Variants in PTK2 observed in about 807,000 individuals in gnomAD.
PTK2 encodes protein tyrosine kinase 2, also known as focal adhesion kinase 1.
Under a neutral mutation model 150.1 loss-of-function variants are expected in PTK2, and 45 were observed. The observed-to-expected ratio is 0.30, with a 90% CI of 0.24 to 0.38. The LOEUF (loss-of-function observed/expected upper bound fraction) is 0.38, where lower values mean the gene tolerates loss of function less well. Ranked by LOEUF, PTK2 falls within the 10% of genes least tolerant of loss-of-function variation. The probability of loss-of-function intolerance (pLI) is 1.00; values close to 1 mark genes in which losing one functional copy is unlikely to be tolerated. For synonymous variants in PTK2, 432 were observed against 449.2 expected, an observed-to-expected ratio of 0.96 and a Z score of 0.48; for missense variants, 919 against 1,307.3, an observed-to-expected ratio of 0.70 and a Z score of 4.58.
intron 2 of PTK2, among the ~76,000 whole-genome samples, chr8:140,912,458 G>C (rs924060222): frequency 3.3e-5 from 5 of 151,760 alleles, no homozygotes; most frequent in Non-Finnish European, 7.4e-5. Flanking sequence ...TTAACAGCAA[G>C]ACCTCATTTC....
intron 1 of PTK2, among the ~76,000 whole-genome samples, chr8:140,971,627 A>G (rs2100187316): frequency 6.6e-6 from 1 of 152,252 alleles, no homozygotes; most frequent in Non-Finnish European, 1.5e-5. Flanking sequence ...ACAAAGGAAA[A>G]CAGTACTTAT....
At chr8:140,894,142 G>A (rs574834513) in intron 2 of PTK2, among the ~76,000 whole-genome samples, 21 of 152,142 alleles carry the variant, frequency 1.4e-4, no homozygotes, top group Non-Finnish European at 2.6e-4. Flanking sequence ...AGGTCATAAT[G>A]GTGAGGCCCT....
chr8:140,917,629 C>G (rs1369159673), intron 2 of PTK2, among the ~76,000 whole-genome samples: 1 of 152,104 alleles, frequency 6.6e-6, no homozygotes, highest in Non-Finnish European at 1.5e-5. Context: ...GTATTAATCA[C>G]AAGATTTTAG....
At chr8:140,887,711 AAAAC>A (rs746249311) in intron 3 of PTK2, among the ~76,000 whole-genome samples, 20 of 152,234 alleles carry the variant, frequency 1.3e-4, no homozygotes, top group Admixed American at 5.9e-4. Flanking sequence ...AAATAAAATA[AAAAC>A]AAACAGGTAA....
chr8:140,890,719 C>G (rs772377748), exon 3 of PTK2: 2 of 1,614,028 alleles, frequency 1.2e-6, no homozygotes, highest in South Asian at 2.2e-5. Flanking sequence ...AAGTTGGGGT[C>G]AAGGTAAGCA....
chr8:140,810,442 C>T (rs555501819), intron 10 of PTK2, among the ~76,000 whole-genome samples: 1 of 152,304 alleles, frequency 6.6e-6, no homozygotes, highest in Admixed American at 6.5e-5. Flanking sequence ...AACGAGCCTG[C>T]TTGCAGGGTA....
chr8:140,815,002 C>T (rs1297713843), intron 10 of PTK2, among the ~76,000 whole-genome samples: 1 of 152,108 alleles, frequency 6.6e-6, no homozygotes, highest in Non-Finnish European at 1.5e-5. Context: ...TCTCCATCTC[C>T]TGACCTCGTG....
At chr8:140,804,720 T>C (rs1566734947) in intron 10 of PTK2, among the ~76,000 whole-genome samples, 1 of 152,054 alleles carries the variant, frequency 6.6e-6, no homozygotes, top group Non-Finnish European at 1.5e-5. Flanking sequence ...TAGAACGGAG[T>C]TGGAATTGTT....
intron 7 of PTK2, among the ~76,000 whole-genome samples, chr8:140,843,444 T>C (rs1051554424): frequency 6.6e-6 from 1 of 152,122 alleles, no homozygotes; most frequent in Non-Finnish European, 1.5e-5. Flanking sequence ...TTCATTTTCC[T>C]ATCTTGGCCT....
chr8:140,659,482 T>C (rs759379411), exon 32 of PTK2: 3 of 1,612,664 alleles, frequency 1.9e-6, no homozygotes, highest in Non-Finnish European at 2.5e-6. Flanking sequence ...TGGTCTCGTC[T>C]GCCCAAGCAT....
chr8:140,920,949 C>A, intron 2 of PTK2: 1 of 1,450,680 alleles, frequency 6.9e-7, no homozygotes, highest in South Asian at 1.4e-5. Context: ...CAGGAGTCTG[C>A]ACACAAAGTC....
chr8:140,966,460 T>C (rs986245354), intron 1 of PTK2, among the ~76,000 whole-genome samples: 6 of 151,924 alleles, frequency 3.9e-5, no homozygotes, highest in Non-Finnish European at 7.4e-5. Context: ...TTAATGCATG[T>C]TGAATCCTGT....
At chr8:140,959,095 C>A (rs541678077) in intron 1 of PTK2, among the ~76,000 whole-genome samples, 1 of 151,958 alleles carries the variant, frequency 6.6e-6, no homozygotes, top group South Asian at 2.1e-4. Context: ...AAAGCTAATC[C>A]TAATGTTTAA....
At chr8:140,883,064 GTTT>G (rs1042100549) in intron 3 of PTK2, among the ~76,000 whole-genome samples, 29 of 152,238 alleles carry the variant, frequency 1.9e-4, no homozygotes, top group African/African-American at 6.7e-4. Context: ...ATTTCTGAAA[GTTT>G]TTATTATTTT....
chr8:140,684,650 C>G (rs149059335), intron 27 of PTK2, among the ~76,000 whole-genome samples: 2 of 152,292 alleles, frequency 1.3e-5, no homozygotes, highest in African/African-American at 4.8e-5. Context: ...TATAGCTAAC[C>G]AGGGAGGTGA....
intron 14 of PTK2, among the ~76,000 whole-genome samples, chr8:140,767,968 C>A (rs904390739): frequency 1.3e-5 from 2 of 151,832 alleles, no homozygotes; most frequent in Non-Finnish European, 2.9e-5. Context: ...AGAAAAATTA[C>A]CCCCCAAGGG....
intron 7 of PTK2, among the ~76,000 whole-genome samples, chr8:140,834,183 C>A (rs926041687): frequency 6.6e-6 from 1 of 152,296 alleles, no homozygotes; most frequent in Admixed American, 6.5e-5. Context: ...CAGCCACCCT[C>A]ATTCTCTAGG....
chr8:140,762,371 C>T, intron 15 of PTK2: 1 of 1,182,112 alleles, frequency 8.5e-7, no homozygotes, highest in African/African-American at 1.6e-5. Context: ...CTGTTACCTT[C>T]ATCTATTCCA....
intron 7 of PTK2, among the ~76,000 whole-genome samples, chr8:140,844,110 T>A (rs955840849): frequency 2.0e-5 from 3 of 152,194 alleles, no homozygotes; most frequent in Non-Finnish European, 2.9e-5. Context: ...GATTAGACTG[T>A]GGTTATGGGT....
Sources: allele counts gnomAD v4.1 joint callset (sites outside exome capture counted in the v4.1 genomes callset), GRCh38; gene constraint gnomAD v4.1.1; transcripts MANE v1.5; gene names NCBI Gene and HGNC (gene_info 2026-07-23, HGNC 2026-07-21).